Variants in ATRX observed in about 807,000 individuals in gnomAD.
ATRX encodes ATRX chromatin remodeler.
ATRX carries 12 observed loss-of-function variants against 172.6 expected under a neutral mutation model. The observed-to-expected ratio is 0.07, with a 90% CI of 0.04 to 0.11. The LOEUF is 0.11. Ranked by LOEUF, ATRX falls within the 10% of genes least tolerant of loss-of-function variation. The pLI, the probability that ATRX is intolerant of heterozygous loss-of-function variation, is 1.00. For missense variants in ATRX, 1,368 were observed against 1,767.4 expected (o/e 0.77, Z 4.05); for synonymous variants, 674 against 594.7 (o/e 1.13, Z -1.94).
At chrX:77,516,490 G>A (rs1173027949) in intron 34 of ATRX, among the ~76,000 whole-genome samples, 1 of 111,810 alleles carries the variant, frequency 8.9e-6, no homozygotes, top group African/African-American at 3.3e-5. Context: ...AAGAGACAAC[G>A]ATGGTCATTA....
intron 22 of ATRX, among the ~76,000 whole-genome samples, chrX:77,615,011 G>T (rs1325312619): frequency 1.8e-5 from 2 of 110,964 alleles, no homozygotes; most frequent in Non-Finnish European, 3.8e-5. Flanking sequence ...TGTTGTTGTT[G>T]TTGTTGAGAC....
intron 1 of ATRX, among the ~76,000 whole-genome samples, chrX:77,777,619 C>T (rs1236715649): frequency 4.5e-5 from 5 of 111,166 alleles, no homozygotes; most frequent in Non-Finnish European, 9.4e-5. Flanking sequence ...ATCTGGAATG[C>T]TATCAAATAA....
intron 22 of ATRX, among the ~76,000 whole-genome samples, chrX:77,602,201 G>A (rs187500640): frequency 2.7e-4 from 30 of 111,048 alleles, no homozygotes; most frequent in African/African-American, 9.1e-4. Flanking sequence ...TAGAGACAGG[G>A]TCTCGCTTTG....
At chrX:77,742,118 T>C (rs2074899943) in intron 1 of ATRX, among the ~76,000 whole-genome samples, 1 of 111,578 alleles carries the variant, frequency 9.0e-6, no homozygotes, top group Non-Finnish European at 1.9e-5. Context: ...TTAATGCCAC[T>C]GAATTGTACA....
chrX:77,725,549 G>T (rs1216271932), intron 1 of ATRX, among the ~76,000 whole-genome samples: 1 of 111,547 alleles, frequency 9.0e-6, no homozygotes, highest in Admixed American at 9.6e-5. Flanking sequence ...TACCATTCAG[G>T]ACATAGGCAT....
chrX:77,533,131 C>A (rs782777296), intron 30 of ATRX, among the ~76,000 whole-genome samples: 41 of 111,954 alleles, frequency 3.7e-4, no homozygotes, highest in African/African-American at 1.3e-3. Context: ...ACTAAAAAGT[C>A]AAAAAACAGC....
intron 28 of ATRX, among the ~76,000 whole-genome samples, chrX:77,562,421 T>C (rs1174886204): frequency 3.6e-5 from 4 of 112,281 alleles, no homozygotes; most frequent in African/African-American, 1.3e-4. Context: ...TATTTTATAT[T>C]CCCACTAGTA....
At chrX:77,599,110 G>C (rs1557085476) in intron 25 of ATRX, among the ~76,000 whole-genome samples, 1 of 111,842 alleles carries the variant, frequency 8.9e-6, no homozygotes, top group South Asian at 3.7e-4. Flanking sequence ...TTGCAAGCCT[G>C]CTCAAGAATT....
intron 25 of ATRX, 43 bp downstream of exon 25, chrX:77,599,368 C>G (rs1557085676): frequency 3.3e-6 from 4 of 1,194,886 alleles, no homozygotes; most frequent in Non-Finnish European, 4.5e-6. Context: ...TGACATTTTC[C>G]AAATTACTGT....
chrX:77,705,632 G>T (rs2148709507), intron 2 of ATRX, among the ~76,000 whole-genome samples: 1 of 112,440 alleles, frequency 8.9e-6, no homozygotes, highest in East Asian at 2.8e-4. Flanking sequence ...CCAGCACTTT[G>T]GGAGGCCAAG....
intron 15 of ATRX, among the ~76,000 whole-genome samples, chrX:77,642,009 T>C (rs782353449): frequency 8.9e-6 from 1 of 111,827 alleles, no homozygotes; most frequent in African/African-American, 3.2e-5. Context: ...TGAGGCCAGC[T>C]TGGGCAACAT....
intron 2 of ATRX, among the ~76,000 whole-genome samples, chrX:77,712,423 A>T (rs2073156362): frequency 8.9e-6 from 1 of 112,683 alleles, no homozygotes; most frequent in Non-Finnish European, 1.9e-5. Context: ...AAAGACAAAA[A>T]GAACTTTAAA....
At chrX:77,767,088 C>T (rs1165754597) in intron 1 of ATRX, among the ~76,000 whole-genome samples, 9 of 112,212 alleles carry the variant, frequency 8.0e-5, no homozygotes, top group Non-Finnish European at 1.3e-4. Context: ...GGTGTGGTGG[C>T]GCGCGCCTGC....
chrX:77,663,710 C>T (rs541408855), intron 11 of ATRX, 152 bp from the exon 12 acceptor site: 5 of 466,726 alleles, frequency 1.1e-5, no homozygotes, highest in Middle Eastern at 6.0e-4. Context: ...TAATCTCACA[C>T]ATCAGACTTG....
chrX:77,768,320 T>C (rs2076045372), intron 1 of ATRX, among the ~76,000 whole-genome samples: 1 of 111,742 alleles, frequency 8.9e-6, no homozygotes. Flanking sequence ...GGTCCCAGGG[T>C]AAGGAAAGAC....
chrX:77,601,255 CAGG>C (rs1303085647), intron 22 of ATRX, among the ~76,000 whole-genome samples: 1 of 109,948 alleles, frequency 9.1e-6, no homozygotes, highest in Non-Finnish European at 1.9e-5. Context: ...CGCTTGAGGC[CAGG>C]AGTTCAAGAC....
At chrX:77,606,897 T>A (rs1557090912) in intron 22 of ATRX, among the ~76,000 whole-genome samples, 1 of 112,096 alleles carries the variant, frequency 8.9e-6, no homozygotes, top group African/African-American at 3.2e-5. Flanking sequence ...TATAATCATT[T>A]CAATTCATGC....
intron 10 of ATRX, among the ~76,000 whole-genome samples, chrX:77,665,703 G>A (rs1213605960): frequency 8.9e-6 from 1 of 112,074 alleles, no homozygotes; most frequent in Non-Finnish European, 1.9e-5. Flanking sequence ...AAGACAAGAT[G>A]TTTTGATAAG....
At chrX:77,600,251 C>T (rs1557086438) in intron 23 of ATRX, among the ~76,000 whole-genome samples, 183 bp downstream of exon 23, 1 of 111,263 alleles carries the variant, frequency 9.0e-6, no homozygotes, top group East Asian at 2.8e-4. Flanking sequence ...TTAAAATGGG[C>T]TCAATAAAAT....
Sources: allele counts gnomAD v4.1 joint callset (sites outside exome capture counted in the v4.1 genomes callset), GRCh38; gene constraint gnomAD v4.1.1; transcripts MANE v1.5; gene names NCBI Gene and HGNC (gene_info 2026-07-23, HGNC 2026-07-21).